SIK3: variants seen among roughly 807,000 people sequenced by gnomAD.
SIK3 encodes the protein SIK family kinase 3.
Under a neutral mutation model 144.2 loss-of-function variants are expected in SIK3, and 28 were observed. That is an observed-to-expected ratio of 0.19 (90% CI 0.14 to 0.27). SIK3 has a LOEUF of 0.27. SIK3 is among the 10% of genes least tolerant of loss of function. The probability of loss-of-function intolerance (pLI) is 1.00; values close to 1 mark genes in which losing one functional copy is unlikely to be tolerated. For synonymous variants in SIK3, 686 were observed against 676.3 expected, an observed-to-expected ratio of 1.01 and a Z score of -0.22; for missense variants, 1,319 against 1,776.0, an observed-to-expected ratio of 0.74 and a Z score of 4.62.
chr11:116,986,611 A>C (rs1950334406), intron 1 of SIK3, among the ~76,000 whole-genome samples: 1 of 152,024 alleles, frequency 6.6e-6, no homozygotes, highest in Non-Finnish European at 1.5e-5. Context: ...TCTTTCCTTT[A>C]CTCTTTCTTC....
At chr11:116,978,021 G>A (rs548090932) in intron 1 of SIK3, among the ~76,000 whole-genome samples, 7 of 152,170 alleles carry the variant, frequency 4.6e-5, no homozygotes, top group South Asian at 2.1e-4. Context: ...GATCGAGACC[G>A]TCCTGGCTAA....
chr11:117,049,961 T>TA (rs57279331), intron 1 of SIK3, among the ~76,000 whole-genome samples: 127,010 of 149,234 alleles, frequency 0.85, 54,595 homozygotes, highest in African/African-American at 0.89. Flanking sequence ...ACCTGTCTCT[T>TA]AAAAAAAAAA....
At position 116,996,819 on chromosome 11, in the gene SIK3, CAAAAAAAAAAAAA is replaced by C. The variant is rs11329513; in HGVS notation, c.274-39768_274-39756del. On this transcript the variant is annotated intron_variant, in intron 1 of 24. Transcript: ENST00000445177. ...TGGGCGCCAGAGGGAGACTCTCTCT[CAAAAAAAAAAAAA>C]AAAAAAAAAAAAAAAGACATTTCTC... Among the ~76,000 whole-genome samples the C allele has an allele frequency of 7.3e-3, 427 of 58,428 alleles. 6 individuals carry two copies. Among genetic ancestry groups the C allele is most frequent in the African/African-American group, 0.025 (406 of 16,338 alleles). 38.3% of individuals were successfully genotyped at this position (58,428 alleles called of 152,430 possible). A position where few individuals can be genotyped will look rare whatever the true frequency, so the allele number is the denominator to read the frequency against.
At chr11:116,922,082 G>T (rs1947015030) in intron 4 of SIK3, among the ~76,000 whole-genome samples, 1 of 152,072 alleles carries the variant, frequency 6.6e-6, no homozygotes, top group Admixed American at 6.5e-5. Context: ...TATGACTGAA[G>T]ATATAACTTA....
chr11:116,857,753 T>G (rs893583384), intron 21 of SIK3, 57 bp downstream of exon 21: 2 of 1,573,458 alleles, frequency 1.3e-6, no homozygotes, highest in Non-Finnish European at 8.6e-7. Flanking sequence ...ATAACATTAC[T>G]GAGTCAGTTG....
intron 3 of SIK3, among the ~76,000 whole-genome samples, chr11:116,944,770 C>G (rs1026564195): frequency 6.6e-6 from 1 of 152,116 alleles, no homozygotes; most frequent in Admixed American, 6.6e-5. Context: ...CAAACTGAAC[C>G]GGTTTTGGGA....
chr11:116,987,334 A>C (rs905517491), intron 1 of SIK3, among the ~76,000 whole-genome samples: 1 of 151,814 alleles, frequency 6.6e-6, no homozygotes, highest in African/African-American at 2.4e-5. Context: ...AAAAAAAAAA[A>C]AAAACACAGA....
At chr11:116,956,833 A>T in intron 2 of SIK3, 115 bp downstream of exon 2, 1 of 576,604 alleles carries the variant, frequency 1.7e-6, no homozygotes, top group Non-Finnish European at 3.0e-6. Context: ...TAGCAGGATT[A>T]ACATAGAAAC....
At chr11:117,022,310 T>C (rs1187977926) in intron 1 of SIK3, among the ~76,000 whole-genome samples, 3 of 152,178 alleles carry the variant, frequency 2.0e-5, no homozygotes, top group Non-Finnish European at 4.4e-5. Context: ...TTAATATCTA[T>C]GCATTTCCTG....
chr11:117,010,177 T>C (rs1329290752), intron 1 of SIK3, among the ~76,000 whole-genome samples: 1 of 152,024 alleles, frequency 6.6e-6, no homozygotes, highest in Non-Finnish European at 1.5e-5. Context: ...CCCTCCTTCA[T>C]GAAGATGAGA....
chr11:117,013,527 CG>C (rs1951359843), intron 1 of SIK3, among the ~76,000 whole-genome samples: 1 of 151,968 alleles, frequency 6.6e-6, no homozygotes, highest in African/African-American at 2.4e-5. Flanking sequence ...TATCAATAAA[CG>C]AAGTGTATTT....
Position 116,870,066 on chromosome 11 carries a change from A to G in SIK3, c.1808+265T>C, listed in dbSNP as rs540953945. 4.0e-5 allele frequency: 57 copies of G among 1,408,408 alleles called. No homozygotes were observed. The African/African-American group carries it at 7.6e-4, about 19-fold the overall frequency. 87.2% of individuals were successfully genotyped at this position (1,408,408 alleles called of 1,614,324 possible). A position where few individuals can be genotyped will look rare whatever the true frequency, so the allele number is the denominator to read the frequency against. ...GAGTTGCAATATGAAGGCAGGGGAC[A>G]AGGAAGAAGGAGGGAGGAAAGAAAA... On this transcript the variant is annotated intron_variant, in intron 14 of 24. Coordinates refer to ENST00000445177, the MANE Select transcript of SIK3 (RefSeq NM_001366686.3).
Position 117,067,396 on chromosome 11 carries a change from G to C in SIK3, c.273+30747C>G, listed in dbSNP as rs1333449055. ...AACTCTGATACAAACAACAATAAAT[G>C]AATCTTAAAGAATGCTGATGAAAGA... On this transcript the variant is annotated intron_variant, in intron 1 of 24. Coordinates refer to ENST00000445177, the MANE Select transcript of SIK3 (RefSeq NM_001366686.3). Among the ~76,000 whole-genome samples the C allele has an allele frequency of 2.0e-5, 3 of 152,150 alleles. No individual in the cohort carries two copies. In the East Asian group the frequency reaches 5.8e-4, roughly 29 times the overall value.
At chr11:117,065,969 A>G (rs949049231) in intron 1 of SIK3, among the ~76,000 whole-genome samples, 9 of 151,940 alleles carry the variant, frequency 5.9e-5, no homozygotes, top group Admixed American at 3.3e-4. Flanking sequence ...CCCTGAGCCA[A>G]TATTTCTTTA....
At position 116,875,430 on chromosome 11, in the gene SIK3, T is replaced by C. The variant is rs777566744; in HGVS notation, c.1261A>G (p.Met421Val). ...TGCACCTGGGGAACGCTGATGTTCATAGCAGTACCTGCCTGCTCCGCCTGG... is the reference window on the plus strand; with the variant it reads ...TGCACCTGGGGAACGCTGATGTTCACAGCAGTACCTGCCTGCTCCGCCTGG... ...NIQAEQAGTA[M>V]NISVPQVQLI... The change falls in exon 10 of 25, where the codon ATG (methionine) becomes GTG (valine). Residue 421 changes from methionine (M) to valine (V), a missense_variant. Transcript: ENST00000445177. 1.2e-5 allele frequency: 19 copies of C among 1,614,206 alleles called. No homozygotes were observed. Among genetic ancestry groups the C allele is most frequent in the East Asian group, 4.5e-5 (2 of 44,882 alleles).
At chr11:116,888,251 G>C (rs550178607) in intron 6 of SIK3, among the ~76,000 whole-genome samples, 2 of 152,332 alleles carry the variant, frequency 1.3e-5, no homozygotes, top group African/African-American at 4.8e-5. Context: ...TATGACAACA[G>C]CTGAGAAAAG....
chr11:116,995,034 G>A (rs982200208), intron 1 of SIK3, among the ~76,000 whole-genome samples: 1 of 151,944 alleles, frequency 6.6e-6, no homozygotes, highest in Non-Finnish European at 1.5e-5. Flanking sequence ...TTGGGAGGCT[G>A]AGGTAGGTAT....
At chr11:116,922,652 TCAC>T (rs1315054683) in intron 4 of SIK3, among the ~76,000 whole-genome samples, 1 of 152,044 alleles carries the variant, frequency 6.6e-6, no homozygotes, top group Non-Finnish European at 1.5e-5. Context: ...CAAATGTAAA[TCAC>T]CACATTAATA....
At chr11:116,919,974 C>T (rs1167533752) in intron 4 of SIK3, among the ~76,000 whole-genome samples, 1 of 152,160 alleles carries the variant, frequency 6.6e-6, no homozygotes, top group Non-Finnish European at 1.5e-5. Context: ...ACTGGCCTTC[C>T]TATTACCAGG....
Sources: gnomAD v4.1 joint callset for allele counts (sites outside exome capture counted in the v4.1 genomes callset) on GRCh38, gnomAD v4.1.1 for gene constraint, MANE v1.5 for transcripts, NCBI Gene and HGNC (gene_info 2026-07-23, HGNC 2026-07-21) for gene names.